PCDHGA2: variants seen among roughly 807,000 people sequenced by gnomAD.
PCDHGA2 encodes protocadherin gamma-A2.
PCDHGA2 carries 40 observed loss-of-function variants against 59.2 expected under a neutral mutation model. The ratio of observed to expected loss-of-function variants is 0.68; its 90% CI spans 0.52 to 0.88. PCDHGA2 has a LOEUF of 0.88. PCDHGA2 is among the 40% of genes least tolerant of loss of function. PCDHGA2 has a pLI of 0.00. For synonymous variants in PCDHGA2, 560 were observed against 526.0 expected (o/e 1.06, Z -0.89); for missense variants, 1,226 against 1,204.0 (o/e 1.02, Z -0.27).
chr5:141,360,782 A>T, intron 1 of PCDHGA2: 1 of 1,613,948 alleles, frequency 6.2e-7, no homozygotes, highest in East Asian at 2.2e-5. Context: ...ACAGCTGTGG[A>T]TGGCGGAGAC....
chr5:141,432,935 C>T lies in PCDHGA2; in HGVS notation c.2425-61872C>T. The T allele has an allele frequency of 4.3e-6, 7 of 1,614,218 alleles. No homozygotes were observed. The highest frequency in any genetic ancestry group is 5.1e-6 in the Non-Finnish European group (6 of 1,180,046). On this transcript the variant is annotated intron_variant, in intron 1 of 3. Transcript: ENST00000394576. This position sits in a 1 kb window ranked among gnomAD's most constrained non-coding sequence, Gnocchi z 6.0. The stretch of plus-strand genomic sequence containing the variant: ...GCGCTGGCACAAGTCACGCCTGCTG[C>T]AGGCTTCAGGAGGCGGCTTGACAGG...
intron 1 of PCDHGA2, among the ~76,000 whole-genome samples, chr5:141,373,441 T>C (rs1232465888): frequency 2.0e-5 from 3 of 152,218 alleles, no homozygotes; most frequent in African/African-American, 7.2e-5. Flanking sequence ...GAGGATCCCT[T>C]GATCCCAGGA....
intron 1 of PCDHGA2, chr5:141,362,702 T>A: frequency 9.7e-7 from 1 of 1,031,990 alleles, no homozygotes; most frequent in Non-Finnish European, 1.4e-6. Flanking sequence ...AACTGAATTT[T>A]AAGTGTTTTC....
chr5:141,509,719 C>G (rs2099877973), intron 3 of PCDHGA2, among the ~76,000 whole-genome samples: 1 of 152,152 alleles, frequency 6.6e-6, no homozygotes, highest in Non-Finnish European at 1.5e-5. Flanking sequence ...TGTCTGATGT[C>G]ACCTAGCTGT....
chr5:141,361,443 A>G, intron 1 of PCDHGA2: 1 of 1,613,982 alleles, frequency 6.2e-7, no homozygotes, highest in Non-Finnish European at 8.5e-7. Context: ...CCTCCAGCAT[A>G]ATTGTCACCC....
At chr5:141,385,619 T>C (rs1478717188) in intron 1 of PCDHGA2, 1 of 1,064,028 alleles carries the variant, frequency 9.4e-7, no homozygotes, top group Non-Finnish European at 1.2e-6. Flanking sequence ...ATTTTATACA[T>C]TGGAATGAAT....
chr5:141,340,357 C>T lies in PCDHGA2; in HGVS notation c.1386C>T (p.Pro462=), dbSNP rs765686553. ...FSRTSYSTYI[P]ENNPRGASVF... is the part of the protein sequence containing the mutation. ...GCACATCCTACTCCACCTACATTCC[C>T]GAAAACAACCCCAGAGGAGCCTCTG... Residue 462 remains proline (P), a synonymous_variant, in exon 1 of 4, where the codon CCC becomes CCT. Coordinates refer to ENST00000394576, the MANE Select transcript of PCDHGA2 (RefSeq NM_018915.4). The T allele has an allele frequency of 2.5e-6, 4 of 1,614,182 alleles. No individual in the cohort carries two copies. The highest frequency in any genetic ancestry group is 1.1e-5 in the South Asian group (1 of 91,084).
In PCDHGA2 at chr5:141,408,807, G is replaced by A. The variant is rs372007066; in HGVS notation, c.2424+67412G>A. On this transcript the variant is annotated intron_variant, in intron 1 of 3. Transcript: ENST00000394576. ...TTATCTCTGGAGAAACTCCTAGACCGGGAAGAACAGAGATCTCATAGCTTG... is the reference window on the plus strand; with the variant it reads ...TTATCTCTGGAGAAACTCCTAGACCAGGAAGAACAGAGATCTCATAGCTTG... 1.2e-5 allele frequency: 20 copies of A among 1,612,986 alleles called. No homozygotes were observed. Among genetic ancestry groups the A allele is most frequent in the Middle Eastern group, 1.6e-4 (1 of 6,084 alleles).
chr5:141,417,766 C>T (rs564920153), intron 1 of PCDHGA2: 7 of 1,442,472 alleles, frequency 4.9e-6, no homozygotes, highest in African/African-American at 4.3e-5. Context: ...AGACCCGGGA[C>T]TCCTCCTGTC....
intron 1 of PCDHGA2, chr5:141,429,265 T>C (rs1297239650): frequency 6.6e-6 from 1 of 152,148 alleles, no homozygotes; most frequent in Non-Finnish European, 1.5e-5. Flanking sequence ...GAGGAATAAA[T>C]TTTTTTCCTG....
intron 2 of PCDHGA2, among the ~76,000 whole-genome samples, chr5:141,500,893 A>G (rs1393294152): frequency 1.1e-5 from 1 of 94,848 alleles, no homozygotes; most frequent in Non-Finnish European, 2.0e-5. Context: ...TTTTTTTGAG[A>G]CAGTCTCGCT....
intron 1 of PCDHGA2, chr5:141,392,856 CT>C: frequency 1.9e-6 from 3 of 1,612,366 alleles, no homozygotes; most frequent in Non-Finnish European, 2.5e-6. Flanking sequence ...CGAGCTGATC[CT>C]GCTGTGCGCG....
chr5:141,498,976 G>A (rs1311505059), intron 2 of PCDHGA2, among the ~76,000 whole-genome samples: 1 of 13,010 alleles, frequency 7.7e-5, no homozygotes, highest in Non-Finnish European at 2.3e-4. Context: ...AGGGAGGGAA[G>A]GAAGGAAGGA....
chr5:141,420,460 A>G lies in PCDHGA2; in HGVS notation c.2425-74347A>G, dbSNP rs946386638. On this transcript the variant is annotated intron_variant, in intron 1 of 3. Coordinates refer to ENST00000394576, the MANE Select transcript of PCDHGA2 (RefSeq NM_018915.4). ...AATGCCTCAGTCTTCCTACTATTCA[A>G]AGACATTTTAAAGCAAACTACATGG... The G allele has an allele frequency of 3.4e-6, 3 of 889,944 alleles. No individual in the cohort carries two copies. The African/African-American group carries it at 5.2e-5, about 16-fold the overall frequency. 55.1% of individuals were successfully genotyped at this position (889,944 alleles called of 1,614,324 possible).
intron 1 of PCDHGA2, chr5:141,365,748 CTG>C: frequency 6.2e-7 from 1 of 1,613,834 alleles, no homozygotes; most frequent in Non-Finnish European, 8.5e-7. Context: ...TCTATCTTCT[CTG>C]TGACAGCCCA....
rs1589316075 is a variant in PCDHGA2, at chr5:141,398,010, G to GAATTT, written c.2424+56615_2424+56616insAATTT. 8 of 1,407,812 alleles carry GAATTT rather than the reference G, an allele frequency of 5.7e-6. 1 individual carries two copies. The East Asian group carries it at 1.5e-4, about 27-fold the overall frequency. 87.2% of individuals were successfully genotyped at this position (1,407,812 alleles called of 1,614,324 possible). Reference sequence around the variant, plus strand: ...CCGCTTCCTCCTCGGAAAAAGAATCGTTTCCTAAACTGGAACTGGAACTAA... The same window carrying GAATTT: ...CCGCTTCCTCCTCGGAAAAAGAATCGAATTTTTTCCTAAACTGGAACTGGAACTAA... On this transcript the variant is annotated intron_variant, in intron 1 of 3. Transcript: ENST00000394576.
intron 1 of PCDHGA2, chr5:141,351,595 A>G (rs1758765710): frequency 6.2e-7 from 1 of 1,613,974 alleles, no homozygotes. Flanking sequence ...ACGACAATGC[A>G]CCTGTTTTCC....
chr5:141,405,858 T>C (rs2094727577), intron 1 of PCDHGA2, among the ~76,000 whole-genome samples: 1 of 152,200 alleles, frequency 6.6e-6, no homozygotes, highest in Non-Finnish European at 1.5e-5. Flanking sequence ...GTGTTTCTCA[T>C]CACTTTTCAC....
At chr5:141,392,229 TTC>T (rs1184019586) in intron 1 of PCDHGA2, 5 of 152,224 alleles carry the variant, frequency 3.3e-5, no homozygotes, top group Admixed American at 6.5e-5. Context: ...ACAACTGAAG[TTC>T]TTAGTTATTT....
Sources: gnomAD v4.1 joint callset for allele counts (sites outside exome capture counted in the v4.1 genomes callset) on GRCh38, gnomAD v4.1.1 for gene constraint, Gnocchi (gnomAD v3.1) non-coding constraint, MANE v1.5 for transcripts, NCBI Gene and HGNC (gene_info 2026-07-23, HGNC 2026-07-21) for gene names.